Variants in PHKB observed in about 807,000 individuals in gnomAD.
PHKB encodes phosphorylase b kinase regulatory subunit beta.
PHKB carries 122 observed loss-of-function variants against 152.1 expected under a neutral mutation model. The observed-to-expected ratio is 0.80, with a 90% CI of 0.69 to 0.93. The LOEUF is 0.93. PHKB is among the 40% of genes least tolerant of loss of function. PHKB has a pLI of 0.00. For synonymous variants in PHKB, 436 were observed against 464.9 expected, an observed-to-expected ratio of 0.94 and a Z score of 0.80; for missense variants, 1,304 against 1,328.4, an observed-to-expected ratio of 0.98 and a Z score of 0.29.
intron 7 of PHKB, among the ~76,000 whole-genome samples, chr16:47,567,888 C>G (rs1290436397): frequency 6.6e-6 from 1 of 152,032 alleles, no homozygotes; most frequent in Non-Finnish European, 1.5e-5. Context: ...GGGATGAAGC[C>G]CAGTTGATCA....
chr16:47,570,218 C>G (rs759862963), intron 7 of PHKB, among the ~76,000 whole-genome samples: 2 of 152,140 alleles, frequency 1.3e-5, no homozygotes, highest in African/African-American at 2.4e-5. Flanking sequence ...AGAATTCTTG[C>G]CTTTGCATTG....
intron 29 of PHKB, among the ~76,000 whole-genome samples, chr16:47,698,227 A>C (rs562996739): frequency 6.6e-6 from 1 of 152,208 alleles, no homozygotes; most frequent in Non-Finnish European, 1.5e-5. Flanking sequence ...TAACTGATGA[A>C]AAAACATTTC....
Position 47,551,699 on chromosome 16 carries a change from G to T in PHKB, c.710+4151G>T, listed in dbSNP as rs902453071. 2.0e-5 allele frequency among the ~76,000 whole-genome samples: 3 copies of T among 152,176 alleles called. No individual in the cohort carries two copies. In the East Asian group the frequency reaches 5.8e-4, roughly 29 times the overall value. ...GAAGAATGTATATTCTGTTGATTTG[G>T]TGGGGAGAGTTTTGTAGATGTCTGT... is the stretch of plus-strand genomic sequence containing the variant. On this transcript the variant is annotated intron_variant, in intron 7 of 30. Coordinates refer to ENST00000323584, the MANE Select transcript of PHKB (RefSeq NM_000293.3).
intron 6 of PHKB, among the ~76,000 whole-genome samples, chr16:47,517,608 A>G (rs1970619710): frequency 6.6e-6 from 1 of 152,104 alleles, no homozygotes; most frequent in Non-Finnish European, 1.5e-5. Context: ...TGCTTTCTCA[A>G]TATATGTCAT....
chr16:47,626,072 A>C (rs1452946144), intron 14 of PHKB, among the ~76,000 whole-genome samples: 1 of 152,218 alleles, frequency 6.6e-6, no homozygotes, highest in Admixed American at 6.5e-5. Flanking sequence ...ATGCATGAAA[A>C]ACTCAGCAAA....
intron 26 of PHKB, chr16:47,675,612 A>G (rs1354428237): frequency 6.6e-6 from 1 of 152,040 alleles, no homozygotes; most frequent in African/African-American, 2.4e-5. Context: ...TGCTCTCACA[A>G]GAGAAGTTCA....
At chr16:47,631,389 A>G (rs966305786) in intron 14 of PHKB, among the ~76,000 whole-genome samples, 13 of 152,232 alleles carry the variant, frequency 8.5e-5, no homozygotes, top group Non-Finnish European at 1.3e-4. Context: ...CTTGAATAAC[A>G]CGTGGCACAT....
At chr16:47,588,227 T>C (rs1391804758) in intron 9 of PHKB, among the ~76,000 whole-genome samples, 1 of 151,978 alleles carries the variant, frequency 6.6e-6, no homozygotes, top group East Asian at 1.9e-4. Context: ...GTGGTTCTGT[T>C]ATTTAGAAAA....
intron 26 of PHKB, among the ~76,000 whole-genome samples, chr16:47,686,684 G>A (rs751418656): frequency 1.3e-5 from 2 of 152,124 alleles, no homozygotes; most frequent in Non-Finnish European, 2.9e-5. Flanking sequence ...ACATTCCCAT[G>A]TACTCATTAT....
At chr16:47,601,130 T>G (rs1390145819) in intron 13 of PHKB, among the ~76,000 whole-genome samples, 1 of 152,114 alleles carries the variant, frequency 6.6e-6, no homozygotes, top group Non-Finnish European at 1.5e-5. Context: ...GGCCAGAGGA[T>G]CACCTGAGCC....
chr16:47,676,950 C>T (rs565343564), intron 26 of PHKB, among the ~76,000 whole-genome samples: 9 of 152,328 alleles, frequency 5.9e-5, no homozygotes, highest in Admixed American at 3.9e-4. Context: ...TTCATACTGC[C>T]AGGGCATCCT....
chr16:47,635,420 G>A (rs1346990826), intron 14 of PHKB, among the ~76,000 whole-genome samples: 2 of 152,096 alleles, frequency 1.3e-5, no homozygotes, highest in Admixed American at 1.3e-4. Context: ...TTTTGTCACT[G>A]TTTTGTTTTG....
At chr16:47,668,182 A>G (rs1322320036) in intron 25 of PHKB, among the ~76,000 whole-genome samples, 1 of 152,234 alleles carries the variant, frequency 6.6e-6, no homozygotes, top group Non-Finnish European at 1.5e-5. Context: ...GTGGAATGAA[A>G]TCATGGCTTA....
intron 14 of PHKB, among the ~76,000 whole-genome samples, chr16:47,620,986 A>G (rs1972608421): frequency 6.6e-6 from 1 of 152,234 alleles, no homozygotes; most frequent in Non-Finnish European, 1.5e-5. Context: ...TTCTTGGTTC[A>G]GGAAGGCTGA....
intron 15 of PHKB, 40 bp downstream of exon 15, chr16:47,641,130 G>C (rs752708444): frequency 1.4e-6 from 2 of 1,450,956 alleles, no homozygotes; most frequent in Admixed American, 3.3e-5. Flanking sequence ...TTTGTGGGGA[G>C]GGGAGGGGAG....
Position 47,580,344 on chromosome 16 carries a change from C to T in PHKB, c.760C>T (p.Leu254Phe). The T allele has an allele frequency of 6.2e-7, 1 of 1,611,364 alleles. No homozygotes were observed. Among genetic ancestry groups the T allele is most frequent in the Non-Finnish European group, 8.5e-7 (1 of 1,177,830 alleles). Reference sequence around the variant, plus strand: ...TCTAGAAGCAATTAATGGATTCAACCTTTTTGGCAACCAGGTAAAAAATAA... The same window carrying T: ...TCTAGAAGCAATTAATGGATTCAACTTTTTTGGCAACCAGGTAAAAAATAA... ...AALEAINGFN[L>F]FGNQGCSWSV... The change falls in exon 8 of 31, where the codon CTT (leucine) becomes TTT (phenylalanine). Residue 254 changes from leucine to phenylalanine, a missense_variant. Physicochemically the swap from Leu to Phe is conservative, Grantham distance 22. Coordinates refer to ENST00000323584, the MANE Select transcript of PHKB (RefSeq NM_000293.3).
At chr16:47,683,036 C>A (rs1038134566) in intron 26 of PHKB, among the ~76,000 whole-genome samples, 1 of 152,236 alleles carries the variant, frequency 6.6e-6, no homozygotes, top group Non-Finnish European at 1.5e-5. Context: ...CCACTCCAGA[C>A]CCTCTTTGCC....
chr16:47,693,482 T>C lies in PHKB; in HGVS notation c.2870T>C (p.Ile957Thr), dbSNP rs1359848423. ...QILERTPNGI[I>T]VAGKHLPQQP... is the part of the protein sequence containing the mutation. ...CTGGAGCGCACGCCCAATGGGATCA[T>C]TGTTGCTGGGAAGCATTTGCCTCAG... Residue 957 changes from isoleucine to threonine, a missense_variant, in exon 28 of 31, where the codon ATT becomes ACT. Ile to Thr is a moderately conservative substitution (Grantham distance 89). Coordinates refer to ENST00000323584, the MANE Select transcript of PHKB (RefSeq NM_000293.3). 7 of 1,613,970 alleles carry C rather than the reference T, an allele frequency of 4.3e-6. No individual in the cohort carries two copies. The African/African-American group carries it at 6.7e-5, about 15-fold the overall frequency.
At chr16:47,625,462 T>C (rs1972692972) in intron 14 of PHKB, among the ~76,000 whole-genome samples, 1 of 152,162 alleles carries the variant, frequency 6.6e-6, no homozygotes. Flanking sequence ...GTCACTCTTT[T>C]GCTTGCCTGT....
Sources: gnomAD v4.1 joint callset for allele counts (sites outside exome capture counted in the v4.1 genomes callset) on GRCh38, gnomAD v4.1.1 for gene constraint, MANE v1.5 for transcripts, NCBI Gene and HGNC (gene_info 2026-07-23, HGNC 2026-07-21) for gene names.